B4GALT1: variants seen among roughly 807,000 people sequenced by gnomAD.
The protein encoded by B4GALT1 is beta-1,4-galactosyltransferase 1.
A neutral mutation model predicts 34.9 loss-of-function variants in B4GALT1; 16 were observed. The ratio of observed to expected loss-of-function variants is 0.46; its 90% CI spans 0.31 to 0.70. B4GALT1 has a LOEUF of 0.70. Ranked by LOEUF, B4GALT1 falls within the 30% of genes least tolerant of loss-of-function variation. The pLI is 0.05. For synonymous variants in B4GALT1, 221 were observed against 218.1 expected, an observed-to-expected ratio of 1.01 and a Z score of -0.12; for missense variants, 445 against 530.5, an observed-to-expected ratio of 0.84 and a Z score of 1.58.
At position 33,113,452 on chromosome 9, in the gene B4GALT1, C is replaced by G. The variant is rs774770478; in HGVS notation, c.*2G>C. 1 of 1,614,002 alleles carries G rather than the reference C, an allele frequency of 6.2e-7. No individual in the cohort carries two copies. Among genetic ancestry groups the G allele is most frequent in the Admixed American group, 1.7e-5 (1 of 60,000 alleles). ...CAGGTCTCTTATCCGTGTACCAAAA[C>G]GCTAGCTCGGTGTCCCGATGTCCAC... is the stretch of plus-strand genomic sequence containing the variant. On this transcript the variant is annotated 3_prime_UTR_variant, in exon 6 of 6. Coordinates refer to ENST00000379731, the MANE Select transcript of B4GALT1 (RefSeq NM_001497.4).
intron 1 of B4GALT1, among the ~76,000 whole-genome samples, chr9:33,152,291 A>C (rs1840528072): frequency 6.6e-6 from 1 of 151,398 alleles, no homozygotes; most frequent in Non-Finnish European, 1.5e-5. Flanking sequence ...GCGACAGAGC[A>C]AGACTCCCTC....
At position 33,150,411 on chromosome 9, in the gene B4GALT1, TA is replaced by T. The variant is rs11414746; in HGVS notation, c.413-14988del. On this transcript the variant is annotated intron_variant, in intron 1 of 5. Coordinates refer to ENST00000379731, the MANE Select transcript of B4GALT1 (RefSeq NM_001497.4). Reference sequence around the variant, plus strand: ...GAAGTTATGTCAAACTTTTTAAAAATAAAAAAAAAAAACAGAACTGGATGAA... The same window carrying T: ...GAAGTTATGTCAAACTTTTTAAAAATAAAAAAAAAAACAGAACTGGATGAA... Among the ~76,000 whole-genome samples the T allele has an allele frequency of 3.5e-3, 507 of 144,784 alleles. 4 individuals carry two copies. The highest frequency in any genetic ancestry group is 0.011 in the African/African-American group (432 of 40,134). The allele number at this position is 144,784 out of a possible 152,430, so 95.0% of individuals were successfully genotyped here. A position where few individuals can be genotyped will look rare whatever the true frequency, so the allele number is the denominator to read the frequency against.
intron 1 of B4GALT1, among the ~76,000 whole-genome samples, chr9:33,142,714 G>A (rs563409213): frequency 6.6e-6 from 1 of 151,940 alleles, no homozygotes; most frequent in South Asian, 2.1e-4. Flanking sequence ...CAATCCTCTC[G>A]CCTCAGCCTC....
chr9:33,175,876 C>T, the B4GALT1 span, among the ~76,000 whole-genome samples: 7 of 152,322 alleles, frequency 4.6e-5, no homozygotes, highest in Admixed American at 2.0e-4. Context: ...GATTAAGCAA[C>T]GTATGACTGT....
chr9:33,118,046 C>T (rs758056449), intron 3 of B4GALT1, among the ~76,000 whole-genome samples: 20 of 152,198 alleles, frequency 1.3e-4, no homozygotes, highest in Non-Finnish European at 2.6e-4. Flanking sequence ...TAGGGCATCA[C>T]GGGCCCCTTC....
At chr9:33,152,357 AAC>A (rs1177121714) in intron 1 of B4GALT1, among the ~76,000 whole-genome samples, 1 of 122,274 alleles carries the variant, frequency 8.2e-6, no homozygotes. Flanking sequence ...AACATAACAT[AAC>A]ATAACATAAC....
intron 3 of B4GALT1, among the ~76,000 whole-genome samples, chr9:33,118,504 A>AT (rs200345855): frequency 0.033 from 4,783 of 147,094 alleles, 79 homozygotes; most frequent in Middle Eastern, 0.066. Flanking sequence ...AAAAAAAAAA[A>AT]TTTTTTTTTT....
intron 3 of B4GALT1, 80 bp downstream of exon 3, chr9:33,120,339 T>C: frequency 6.5e-7 from 1 of 1,527,706 alleles, no homozygotes; most frequent in Non-Finnish European, 9.1e-7. Flanking sequence ...AGAGGCACTC[T>C]TGAGCTGCCA....
chr9:33,166,731 C>T, intron 1 of B4GALT1, 27 bp downstream of exon 1: 1 of 1,489,148 alleles, frequency 6.7e-7, no homozygotes. Flanking sequence ...TCCCAATCCT[C>T]CGACTGGCGC....
At chr9:33,114,296 C>T (rs1459316827) in intron 4 of B4GALT1, among the ~76,000 whole-genome samples, 1 of 152,228 alleles carries the variant, frequency 6.6e-6, no homozygotes, top group African/African-American at 2.4e-5. Context: ...CAGGTATCTG[C>T]CATAGCATTT....
downstream of B4GALT1, among the ~76,000 whole-genome samples, chr9:33,108,920 TTTTGTTCTAATATTTATGCTAGGAGAA>T (rs2117978431): frequency 2.1e-5 from 1 of 46,766 alleles, no homozygotes; most frequent in South Asian, 9.5e-4. Flanking sequence ...TAGGAGAATC[TTTTGTTCTAATATTTATGCTAGGAGAA>T]TCTTTTGTTC....
chr9:33,158,171 G>C (rs1291920295), intron 1 of B4GALT1, among the ~76,000 whole-genome samples: 1 of 152,122 alleles, frequency 6.6e-6, no homozygotes, highest in Non-Finnish European at 1.5e-5. Flanking sequence ...AAAGACAGAG[G>C]CTAAAGACCA....
At chr9:33,106,363 A>G (rs1839796852), downstream of B4GALT1, among the ~76,000 whole-genome samples, 1 of 152,008 alleles carries the variant, frequency 6.6e-6, no homozygotes, top group East Asian at 1.9e-4. Flanking sequence ...TCTTAACCCT[A>G]TTTCTTACTC....
At chr9:33,128,667 C>T (rs1227869283) in intron 2 of B4GALT1, among the ~76,000 whole-genome samples, 1 of 152,204 alleles carries the variant, frequency 6.6e-6, no homozygotes, top group Non-Finnish European at 1.5e-5. Context: ...CCACTCCTCC[C>T]AAGCTCCGTT....
chr9:33,126,127 G>T (rs535254413), intron 2 of B4GALT1, among the ~76,000 whole-genome samples: 10 of 152,286 alleles, frequency 6.6e-5, no homozygotes, highest in African/African-American at 2.4e-4. Context: ...ACAGATCCGG[G>T]GGCAGGTCTG....
At chr9:33,157,141 C>CACACACAT (rs1840608172) in intron 1 of B4GALT1, among the ~76,000 whole-genome samples, 1 of 150,222 alleles carries the variant, frequency 6.7e-6, no homozygotes, top group Non-Finnish European at 1.5e-5. Context: ...CACACACACA[C>CACACACAT]ACACACACAC....
chr9:33,136,863 C>T (rs1450280785), intron 1 of B4GALT1, among the ~76,000 whole-genome samples: 1 of 152,218 alleles, frequency 6.6e-6, no homozygotes, highest in African/African-American at 2.4e-5. Context: ...TCAGCCTGCC[C>T]TGTTTATCAA....
intron 2 of B4GALT1, among the ~76,000 whole-genome samples, chr9:33,133,175 T>C (rs957330350): frequency 1.3e-5 from 2 of 152,344 alleles, no homozygotes; most frequent in Non-Finnish European, 1.5e-5. Context: ...AGTGCTGGGA[T>C]TACAGGCATG....
At chr9:33,162,712 T>G (rs941574965) in intron 1 of B4GALT1, among the ~76,000 whole-genome samples, 1 of 152,210 alleles carries the variant, frequency 6.6e-6, no homozygotes, top group African/African-American at 2.4e-5. Context: ...ATCCCACATT[T>G]GGCTCTTACT....
Sources: allele counts gnomAD v4.1 joint callset (sites outside exome capture counted in the v4.1 genomes callset), GRCh38; gene constraint gnomAD v4.1.1; transcripts MANE v1.5; gene names NCBI Gene and HGNC (gene_info 2026-07-23, HGNC 2026-07-21).